Variants in DPP10 observed in about 807,000 individuals in gnomAD.
The protein encoded by DPP10 is dipeptidyl peptidase like 10, also known as inactive dipeptidyl peptidase 10.
In DPP10, 33 loss-of-function variants were observed where a neutral mutation model predicts 120.9. The observed-to-expected ratio is 0.27, with a 90% CI of 0.21 to 0.37. DPP10 has a LOEUF of 0.37. Ranked by LOEUF, DPP10 falls within the 10% of genes least tolerant of loss-of-function variation. The probability of loss-of-function intolerance (pLI) is 1.00; values close to 1 mark genes in which losing one functional copy is unlikely to be tolerated. For synonymous variants in DPP10, 337 were observed against 326.1 expected (o/e 1.03, Z -0.36); for missense variants, 816 against 942.8 (o/e 0.87, Z 1.76).
chr2:114,837,468 AT>A (rs1458722773), intron 1 of DPP10, among the ~76,000 whole-genome samples: 1 of 152,134 alleles, frequency 6.6e-6, no homozygotes, highest in African/African-American at 2.4e-5. Flanking sequence ...GATAGCAAGT[AT>A]TTTATAGAAA....
At chr2:115,139,833 A>G (rs1038303052) in intron 1 of DPP10, among the ~76,000 whole-genome samples, 12 of 151,560 alleles carry the variant, frequency 7.9e-5, no homozygotes, top group African/African-American at 2.4e-4. Flanking sequence ...CCATCAGTAC[A>G]GTGAACTTGG....
chr2:115,287,821 A>G (rs1235861755), intron 1 of DPP10, among the ~76,000 whole-genome samples: 1 of 152,142 alleles, frequency 6.6e-6, no homozygotes. Flanking sequence ...GATCTCTACA[A>G]GAAGAACTAC....
chr2:114,481,042 G>T (rs550404570), intron 1 of DPP10, among the ~76,000 whole-genome samples: 44 of 151,304 alleles, frequency 2.9e-4, no homozygotes, highest in Middle Eastern at 3.4e-3. Context: ...AAAAACAGGA[G>T]AAAATCTTCA....
At chr2:115,627,150 A>G (rs1234339794) in intron 5 of DPP10, among the ~76,000 whole-genome samples, 3 of 152,216 alleles carry the variant, frequency 2.0e-5, no homozygotes, top group African/African-American at 7.2e-5. Flanking sequence ...AATACAAGAG[A>G]TAAAAAGAAA....
At chr2:114,726,108 C>T (rs937411997) in intron 1 of DPP10, among the ~76,000 whole-genome samples, 11 of 151,818 alleles carry the variant, frequency 7.2e-5, no homozygotes, top group Non-Finnish European at 1.0e-4. Flanking sequence ...TAGTGGTGGG[C>T]GCCTGTAGTC....
intron 1 of DPP10, among the ~76,000 whole-genome samples, chr2:115,243,175 G>A (rs1278665893): frequency 6.6e-6 from 1 of 152,156 alleles, no homozygotes; most frequent in African/African-American, 2.4e-5. Context: ...GCCTCCAATA[G>A]TATTTCCTTG....
intron 1 of DPP10, among the ~76,000 whole-genome samples, chr2:114,915,955 AC>A (rs1312360379): frequency 6.6e-6 from 1 of 152,076 alleles, no homozygotes; most frequent in African/African-American, 2.4e-5. Flanking sequence ...GAGCAAACCA[AC>A]CCCAAGCCTA....
intron 1 of DPP10, among the ~76,000 whole-genome samples, chr2:114,757,968 C>G (rs2106084362): frequency 6.6e-6 from 1 of 152,284 alleles, no homozygotes; most frequent in African/African-American, 2.4e-5. Context: ...TCCCCAAGTC[C>G]TCACACAACG....
intron 7 of DPP10, among the ~76,000 whole-genome samples, chr2:115,693,652 G>A (rs1463088096): frequency 1.3e-5 from 2 of 151,936 alleles, no homozygotes; most frequent in African/African-American, 4.8e-5. Context: ...TTCTTTATTT[G>A]TTATTGATTC....
At chr2:115,159,729 C>T (rs528444438) in intron 1 of DPP10, among the ~76,000 whole-genome samples, 14 of 152,250 alleles carry the variant, frequency 9.2e-5, no homozygotes, top group African/African-American at 3.1e-4. Flanking sequence ...AATTCACGCA[C>T]ACATACACAC....
At chr2:115,281,529 C>T (rs896936733) in intron 1 of DPP10, among the ~76,000 whole-genome samples, 2 of 152,176 alleles carry the variant, frequency 1.3e-5, no homozygotes, top group African/African-American at 2.4e-5. Flanking sequence ...TTGGTGAAAT[C>T]GCATGAGCTC....
chr2:115,640,525 AG>A (rs2086698176), intron 5 of DPP10, among the ~76,000 whole-genome samples: 2 of 152,158 alleles, frequency 1.3e-5, no homozygotes, highest in African/African-American at 4.8e-5. Flanking sequence ...ACAGTTAATA[AG>A]TAAAACCTAA....
intron 5 of DPP10, among the ~76,000 whole-genome samples, chr2:115,669,919 T>A (rs2089736131): frequency 6.6e-6 from 1 of 152,160 alleles, no homozygotes; most frequent in Non-Finnish European, 1.5e-5. Flanking sequence ...AATTAACTGA[T>A]GCCAGTTGTC....
intron 5 of DPP10, among the ~76,000 whole-genome samples, chr2:115,603,114 A>G: frequency 7.5e-6 from 1 of 134,180 alleles, no homozygotes; most frequent in South Asian, 2.6e-4. Flanking sequence ...TTTAAAAAAT[A>G]AATAAAACTG....
At chr2:115,463,574 C>T (rs138590431) in intron 3 of DPP10, among the ~76,000 whole-genome samples, 2 of 152,268 alleles carry the variant, frequency 1.3e-5, no homozygotes, top group African/African-American at 4.8e-5. Context: ...CTATCCTTCA[C>T]CTCAAATACA....
At chr2:115,270,574 C>T (rs1254464519) in intron 1 of DPP10, among the ~76,000 whole-genome samples, 2 of 152,106 alleles carry the variant, frequency 1.3e-5, no homozygotes, top group Non-Finnish European at 2.9e-5. Flanking sequence ...GTGTGCTGAG[C>T]TGTAGATCAG....
At chr2:115,460,356 G>C (rs186816812) in intron 3 of DPP10, among the ~76,000 whole-genome samples, 1 of 152,088 alleles carries the variant, frequency 6.6e-6, no homozygotes, top group African/African-American at 2.4e-5. Context: ...GAAATACCAG[G>C]AGTTTTATCT....
At chr2:115,071,462 CCT>C (rs1707361913) in intron 1 of DPP10, among the ~76,000 whole-genome samples, 1 of 152,188 alleles carries the variant, frequency 6.6e-6, no homozygotes, top group African/African-American at 2.4e-5. Context: ...CAAATCTATC[CCT>C]CTCACCCAAG....
chr2:114,677,844 C>T (rs1698770472), intron 1 of DPP10, among the ~76,000 whole-genome samples: 1 of 152,014 alleles, frequency 6.6e-6, no homozygotes, highest in African/African-American at 2.4e-5. Context: ...TAACTCTAGC[C>T]TGATTGAGAT....
Sources: allele counts gnomAD v4.1 joint callset (sites outside exome capture counted in the v4.1 genomes callset), GRCh38; gene constraint gnomAD v4.1.1; transcripts MANE v1.5; gene names NCBI Gene and HGNC (gene_info 2026-07-23, HGNC 2026-07-21).